Variants in CFAP57 observed in about 807,000 individuals in gnomAD.
CFAP57 encodes cilia and flagella associated protein 57.
Under a neutral mutation model 146.8 loss-of-function variants are expected in CFAP57, and 116 were observed. The observed-to-expected ratio is 0.79, with a 90% CI of 0.68 to 0.92. The LOEUF is 0.92. Among genes scored for constraint, CFAP57 ranks in the 40% least tolerant of loss-of-function variants. The pLI, the probability that CFAP57 is intolerant of heterozygous loss-of-function variation, is 0.00. For missense variants in CFAP57, 1,377 were observed against 1,527.2 expected, an observed-to-expected ratio of 0.90 and a Z score of 1.64; for synonymous variants, 518 against 552.8, an observed-to-expected ratio of 0.94 and a Z score of 0.88.
At chr1:43,227,153 C>T (rs768135946) in intron 18 of CFAP57, 27 bp downstream of exon 18, 5 of 1,491,786 alleles carry the variant, frequency 3.4e-6, no homozygotes, top group Non-Finnish European at 3.6e-6. Context: ...AACACTCTGG[C>T]CTCTCAGACC....
intron 17 of CFAP57, 85 bp downstream of exon 17, chr1:43,224,289 A>G (rs958200945): frequency 7.1e-7 from 1 of 1,410,914 alleles, no homozygotes; most frequent in East Asian, 2.5e-5. Context: ...GAGGGTCCCT[A>G]GCTTCTCAGG....
Position 43,186,830 on chromosome 1 carries a change from A to G in CFAP57, c.1093A>G (p.Ile365Val), listed in dbSNP as rs899582060. The G allele has an allele frequency of 5.0e-6, 8 of 1,614,176 alleles. No individual in the cohort carries two copies. Among genetic ancestry groups the G allele is most frequent in the Admixed American group, 1.7e-5 (1 of 60,008 alleles). The change falls in exon 6 of 23, where the codon ATC becomes GTC. Residue 365 changes from isoleucine (I) to valine (V), a missense_variant. Coordinates refer to ENST00000372492, the MANE Select transcript of CFAP57 (RefSeq NM_001378189.1). ...CACCAGTAAGAACCAACTCTACAGC[A>G]TCACCATGTCCCTGACAGAGATCAG... ...ASTSKNQLYS[I>V]TMSLTEISKG...
At chr1:43,217,048 G>A (rs1452757153) in intron 12 of CFAP57, among the ~76,000 whole-genome samples, 1 of 152,248 alleles carries the variant, frequency 6.6e-6, no homozygotes, top group Non-Finnish European at 1.5e-5. Flanking sequence ...GAGGACATGA[G>A]CCTTGCTCAG....
At chr1:43,177,050 C>T (rs1020202132) in intron 2 of CFAP57, 3 of 445,238 alleles carry the variant, frequency 6.7e-6, no homozygotes, top group Non-Finnish European at 1.4e-5. Context: ...TTCATGAGCT[C>T]TTACTCAGAG....
chr1:43,223,969 C>T (rs911849955), intron 16 of CFAP57, 77 bp from the exon 17 acceptor site: 1 of 1,520,926 alleles, frequency 6.6e-7, no homozygotes, highest in Non-Finnish European at 8.9e-7. Flanking sequence ...TGGGGAGCCC[C>T]TTACACTGAG....
At chr1:43,223,122 G>A in intron 16 of CFAP57, 125 bp downstream of exon 16, 2 of 1,111,702 alleles carry the variant, frequency 1.8e-6, no homozygotes, top group Non-Finnish European at 2.5e-6. Flanking sequence ...TCAGCGAGCA[G>A]GCTGGGAGAA....
intron 14 of CFAP57, 82 bp downstream of exon 14, chr1:43,221,547 A>G: frequency 1.1e-6 from 1 of 904,522 alleles, no homozygotes; most frequent in Non-Finnish European, 1.6e-6. Context: ...CCCCAGACAC[A>G]GTAGAAGTCT....
intron 22 of CFAP57, among the ~76,000 whole-genome samples, chr1:43,252,303 A>T (rs1646344575): frequency 6.6e-6 from 1 of 152,168 alleles, no homozygotes. Flanking sequence ...GCTCTGGATG[A>T]AGGAAAGAAA....
rs1645595902 is a variant in CFAP57, at chr1:43,234,278, GGAGC to G, written c.3130_3133del (p.Arg1044ThrfsTer17). On this transcript the variant is annotated frameshift_variant and splice_region_variant, in exon 20 of 23. Coordinates refer to ENST00000372492, the MANE Select transcript of CFAP57 (RefSeq NM_001378189.1). LOFTEE classifies it high-confidence loss of function. ...CCAGAAGGAAACGTCTCTGATTGCA[GGAGC>G]GAGACTTGGAAGCGCTGGTCAAAAG... is the stretch of plus-strand genomic sequence containing the variant. The G allele has an allele frequency of 6.5e-7, 1 of 1,544,282 alleles. No individual in the cohort carries two copies. Among genetic ancestry groups the G allele is most frequent in the East Asian group, 2.5e-5 (1 of 40,754 alleles).
In CFAP57 at chr1:43,183,714, T is replaced by C; in HGVS notation, c.598T>C (p.Tyr200His). Residue 200 changes from tyrosine to histidine, a missense_variant, in exon 4 of 23, where the codon TAT (tyrosine) becomes CAT (histidine). Physicochemically the swap from Tyr to His is moderately conservative, Grantham distance 83 (BLOSUM62 2). Coordinates refer to ENST00000372492, the MANE Select transcript of CFAP57 (RefSeq NM_001378189.1). ...CTTTCAGAGGGGAGAACCCCAAAAC[T>C]ATCTAGCTCACACCTGGGTGGCTGA... The part of the protein sequence containing the change: ...TSFQRGEPQN[Y>H]LAHTWVADDK... 1.9e-6 allele frequency: 3 copies of C among 1,614,232 alleles called. No individual in the cohort carries two copies. The highest frequency in any genetic ancestry group is 2.5e-6 in the Non-Finnish European group (3 of 1,180,050).
intron 11 of CFAP57, 159 bp downstream of exon 11, chr1:43,210,075 CTT>C (rs750781104): frequency 9.9e-6 from 16 of 1,613,842 alleles, no homozygotes; most frequent in East Asian, 6.7e-5. Context: ...TGAATATACT[CTT>C]TGTTTAAACT....
At chr1:43,198,881 T>G (rs1643985240) in intron 8 of CFAP57, among the ~76,000 whole-genome samples, 1 of 152,176 alleles carries the variant, frequency 6.6e-6, no homozygotes, top group South Asian at 2.1e-4. Flanking sequence ...CCTAAAACCT[T>G]GTGAGATCCC....
At chr1:43,196,109 A>G (rs1643862533) in intron 6 of CFAP57, among the ~76,000 whole-genome samples, 1 of 152,236 alleles carries the variant, frequency 6.6e-6, no homozygotes, top group Non-Finnish European at 1.5e-5. Flanking sequence ...TTGAAAAAAT[A>G]TGGTAGAGTT....
At chr1:43,172,561 C>A in intron 1 of CFAP57, 108 bp downstream of exon 1, 2 of 657,068 alleles carry the variant, frequency 3.0e-6, no homozygotes, top group Non-Finnish European at 4.6e-6. Context: ...GAGGAGGACC[C>A]CGGGGGAGGG....
At chr1:43,244,527 CAA>C (rs1314698709) in intron 22 of CFAP57, among the ~76,000 whole-genome samples, 3 of 152,084 alleles carry the variant, frequency 2.0e-5, no homozygotes, top group Admixed American at 6.5e-5. Context: ...GAAGTTGAAA[CAA>C]GAGTAAACCC....
At chr1:43,244,427 A>C (rs952141060) in intron 22 of CFAP57, among the ~76,000 whole-genome samples, 1 of 152,172 alleles carries the variant, frequency 6.6e-6, no homozygotes, top group Non-Finnish European at 1.5e-5. Context: ...CTATATAACT[A>C]TATACATTTA....
chr1:43,252,064 A>C (rs958857494), intron 22 of CFAP57, among the ~76,000 whole-genome samples: 1 of 152,214 alleles, frequency 6.6e-6, no homozygotes, highest in Non-Finnish European at 1.5e-5. Context: ...TAAATTAATA[A>C]AATATTAGGA....
At position 43,215,870 on chromosome 1, in the gene CFAP57, A is replaced by T. The variant is rs139616590; in HGVS notation, c.2091+454A>T. 1.9e-3 allele frequency among the ~76,000 whole-genome samples: 282 copies of T among 152,342 alleles called. 1 individual carries two copies. The highest frequency in any genetic ancestry group is 6.5e-3 in the African/African-American group (271 of 41,586). On this transcript the variant is annotated intron_variant, in intron 12 of 22. Coordinates refer to ENST00000372492, the MANE Select transcript of CFAP57 (RefSeq NM_001378189.1). ...CCCATGTTTCAAAAAACAAGTTAGG[A>T]GAGCTTGAGGGATGTGTTCAAAGTC...
At chr1:43,216,218 G>A (rs1644826591) in intron 12 of CFAP57, among the ~76,000 whole-genome samples, 1 of 152,160 alleles carries the variant, frequency 6.6e-6, no homozygotes, top group Admixed American at 6.5e-5. Flanking sequence ...AGACAGTTGT[G>A]GGCCCTGTGA....
Sources: gnomAD v4.1 joint callset for allele counts (sites outside exome capture counted in the v4.1 genomes callset) on GRCh38, gnomAD v4.1.1 for gene constraint, MANE v1.5 for transcripts, NCBI Gene and HGNC (gene_info 2026-07-23, HGNC 2026-07-21) for gene names.